Variants in BORCS5 observed in about 807,000 individuals in gnomAD.
The protein encoded by BORCS5 is BLOC-1 related complex subunit 5.
BORCS5 carries 17 observed loss-of-function variants against 22.1 expected under a neutral mutation model. That is an observed-to-expected ratio of 0.77 (90% CI 0.53 to 1.15). The LOEUF (loss-of-function observed/expected upper bound fraction) is 1.15, where lower values mean the gene tolerates loss of function less well. Ranked by LOEUF, BORCS5 falls within the 50% of genes most tolerant of loss-of-function variation. The probability of loss-of-function intolerance (pLI) is 0.00; values close to 1 mark genes in which losing one functional copy is unlikely to be tolerated. For synonymous variants in BORCS5, 117 were observed against 99.8 expected, an observed-to-expected ratio of 1.17 and a Z score of -1.03; for missense variants, 247 against 253.2, an observed-to-expected ratio of 0.98 and a Z score of 0.17.
chr12:12,380,566 A>G lies in BORCS5; in HGVS notation c.202+19217A>G, dbSNP rs1411832513. Among the ~76,000 whole-genome samples the G allele has an allele frequency of 2.0e-5, 3 of 151,550 alleles. 1 individual carries two copies. Among genetic ancestry groups the G allele is most frequent in the African/African-American group, 4.9e-5 (2 of 41,236 alleles). ...TTCCAGTTTTTGCCTGTTATGAATAATGCTGCTATGAACCTTTGTGACCAT... is the reference window on the plus strand; with the variant it reads ...TTCCAGTTTTTGCCTGTTATGAATAGTGCTGCTATGAACCTTTGTGACCAT... On this transcript the variant is annotated intron_variant, in intron 2 of 3. Transcript: ENST00000314565.
In BORCS5 at chr12:12,368,850, C is replaced by T. The variant is rs559679978; in HGVS notation, c.202+7501C>T. Among the ~76,000 whole-genome samples the T allele has an allele frequency of 3.3e-5, 5 of 151,636 alleles. 1 individual carries two copies. Among genetic ancestry groups the T allele is most frequent in the African/African-American group, 1.2e-4 (5 of 41,396 alleles). The stretch of plus-strand genomic sequence containing the variant: ...TCCACTTGTGTATTATGTATTTATT[C>T]ATTTTATTTATTCAACAAACACTGG... On this transcript the variant is annotated intron_variant, in intron 2 of 3. Coordinates refer to ENST00000314565, the MANE Select transcript of BORCS5 (RefSeq NM_058169.6).
At chr12:12,373,461 T>A (rs778774345) in intron 2 of BORCS5, among the ~76,000 whole-genome samples, 16 of 152,210 alleles carry the variant, frequency 1.1e-4, no homozygotes, top group Non-Finnish European at 2.2e-4. Context: ...TGCTGCCTGT[T>A]ATACAGTATC....
At position 12,465,541 on chromosome 12, in the gene BORCS5, C is replaced by T. The variant is rs1480566457; in HGVS notation, c.361-5C>T. The T allele has an allele frequency of 1.9e-6, 3 of 1,612,116 alleles. No homozygotes were observed. The highest frequency in any genetic ancestry group is 2.7e-5 in the African/African-American group (2 of 75,020). On this transcript the variant is annotated splice_polypyrimidine_tract_variant and splice_region_variant and intron_variant, in intron 3 of 3. Transcript: ENST00000314565. ...GTATAATGTACTTCTCTTTCCCATC[C>T]ACAGATGGATCTGTCTGTAGAAACT... is the stretch of plus-strand genomic sequence containing the variant.
At chr12:12,458,292 C>T (rs755559645) in intron 3 of BORCS5, among the ~76,000 whole-genome samples, 2 of 152,164 alleles carry the variant, frequency 1.3e-5, no homozygotes, top group Non-Finnish European at 2.9e-5. Context: ...AGGACTTTTC[C>T]CTGAGCCTCT....
At chr12:12,438,385 A>AAAAATACAAC (rs1555156048) in intron 3 of BORCS5, among the ~76,000 whole-genome samples, 3 of 126,148 alleles carry the variant, frequency 2.4e-5, no homozygotes, top group African/African-American at 3.3e-5. Context: ...AAAAAACGAA[A>AAAAATACAAC]AACAACAACA....
At chr12:12,458,760 C>G (rs1039198902) in intron 3 of BORCS5, among the ~76,000 whole-genome samples, 6 of 151,326 alleles carry the variant, frequency 4.0e-5, no homozygotes, top group African/African-American at 1.2e-4. Context: ...ATCATGTGGT[C>G]AGGAGCTTGA....
chr12:12,362,632 T>G (rs1264920369), intron 2 of BORCS5, among the ~76,000 whole-genome samples: 1 of 130,852 alleles, frequency 7.6e-6, no homozygotes, highest in Admixed American at 8.8e-5. Context: ...ATCATGTTAC[T>G]CATCTTTTTT....
chr12:12,425,867 A>AGTG (rs1481643340), intron 2 of BORCS5, among the ~76,000 whole-genome samples: 2,047 of 152,302 alleles, frequency 0.013, 37 homozygotes, highest in African/African-American at 0.046. Flanking sequence ...TCATACAGCC[A>AGTG]GCTTTTGAAA....
At chr12:12,388,694 C>T (rs1204692767) in intron 2 of BORCS5, among the ~76,000 whole-genome samples, 1 of 150,004 alleles carries the variant, frequency 6.7e-6, no homozygotes, top group Non-Finnish European at 1.5e-5. Flanking sequence ...TAACAGCCAT[C>T]TGTGAGTCTG....
intron 2 of BORCS5, among the ~76,000 whole-genome samples, chr12:12,405,942 C>T (rs1453525584): frequency 6.6e-6 from 1 of 152,226 alleles, no homozygotes; most frequent in Non-Finnish European, 1.5e-5. Flanking sequence ...GGCTACCTAG[C>T]CAAGTAAAAT....
At chr12:12,369,665 A>C (rs1430342738) in intron 2 of BORCS5, among the ~76,000 whole-genome samples, 1 of 148,604 alleles carries the variant, frequency 6.7e-6, no homozygotes, top group Non-Finnish European at 1.5e-5. Flanking sequence ...CACTTCATGT[A>C]AAATGTAGGA....
Position 12,466,065 on chromosome 12 carries a change from TAG to T in BORCS5, c.*290_*291del. ...CTCTGCATTGAGAATTATTTTTATT[TAG>T]TTTTTTTTTTTTTTTAATTGAGAGT... On this transcript the variant is annotated 3_prime_UTR_variant, in exon 4 of 4. Coordinates refer to ENST00000314565, the MANE Select transcript of BORCS5 (RefSeq NM_058169.6). 1 of 263,816 alleles carries T rather than the reference TAG, an allele frequency of 3.8e-6. No individual in the cohort carries two copies. 16.3% of individuals were successfully genotyped at this position (263,816 alleles called of 1,614,324 possible). A position where few individuals can be genotyped will look rare whatever the true frequency, so the allele number is the denominator to read the frequency against.
intron 3 of BORCS5, among the ~76,000 whole-genome samples, chr12:12,438,374 A>AAAC (rs1555156021): frequency 0.078 from 9,718 of 125,046 alleles, 690 homozygotes; most frequent in Middle Eastern, 0.12. Flanking sequence ...AAAAAAAAAA[A>AAAC]AAAAAACGAA....
At chr12:12,384,981 A>T (rs1863850743) in intron 2 of BORCS5, among the ~76,000 whole-genome samples, 1 of 151,308 alleles carries the variant, frequency 6.6e-6, no homozygotes, top group Admixed American at 6.6e-5. Context: ...GCATGGGTTA[A>T]TAGTCAGTTA....
intron 2 of BORCS5, among the ~76,000 whole-genome samples, chr12:12,401,536 G>A (rs943698459): frequency 5.3e-5 from 8 of 151,030 alleles, no homozygotes; most frequent in East Asian, 1.9e-4. Flanking sequence ...TTCTGATCAC[G>A]AAATGAATAT....
chr12:12,456,259 C>G (rs764234774), intron 3 of BORCS5, among the ~76,000 whole-genome samples: 1 of 151,994 alleles, frequency 6.6e-6, no homozygotes, highest in Non-Finnish European at 1.5e-5. Context: ...ATCTTGAGAC[C>G]CCATCTCCAC....
chr12:12,374,476 A>G (rs77431343), intron 2 of BORCS5, among the ~76,000 whole-genome samples: 1 of 143,558 alleles, frequency 7.0e-6, no homozygotes, highest in African/African-American at 2.8e-5. Context: ...GTACTACAGA[A>G]AAAAAAAAAA....
intron 3 of BORCS5, among the ~76,000 whole-genome samples, chr12:12,442,903 T>C (rs1419855267): frequency 6.6e-6 from 1 of 152,168 alleles, no homozygotes; most frequent in Non-Finnish European, 1.5e-5. Context: ...GGTACCGTAA[T>C]GTTTAAGACC....
intron 3 of BORCS5, among the ~76,000 whole-genome samples, chr12:12,453,553 T>C (rs1942950432): frequency 6.6e-6 from 1 of 152,216 alleles, no homozygotes; most frequent in Admixed American, 6.5e-5. Flanking sequence ...CATCTGGGGT[T>C]CAGTGTCAGG....
Sources: gnomAD v4.1 joint callset for allele counts (sites outside exome capture counted in the v4.1 genomes callset) on GRCh38, gnomAD v4.1.1 for gene constraint, MANE v1.5 for transcripts, NCBI Gene and HGNC (gene_info 2026-07-23, HGNC 2026-07-21) for gene names.